UNC13C: variants seen among roughly 807,000 people sequenced by gnomAD.
UNC13C encodes protein unc-13 homolog C.
UNC13C carries 174 observed loss-of-function variants against 245.4 expected under a neutral mutation model. The ratio of observed to expected loss-of-function variants is 0.71; its 90% CI spans 0.63 to 0.80. The LOEUF is 0.80. UNC13C is among the 30% of genes least tolerant of loss of function. UNC13C has a pLI of 0.00. For missense variants in UNC13C, 2,829 were observed against 2,602.9 expected, an observed-to-expected ratio of 1.09 and a Z score of -1.89; for synonymous variants, 992 against 895.1, an observed-to-expected ratio of 1.11 and a Z score of -1.93.
chr15:53,909,102 C>T, the UNC13C span, among the ~76,000 whole-genome samples: 665 of 146,386 alleles, frequency 4.5e-3, 80 homozygotes, highest in Non-Finnish European at 8.1e-3. Flanking sequence ...CTAAGTTTCC[C>T]TCCAAAGGCA....
At chr15:53,888,545 T>G in the UNC13C span, among the ~76,000 whole-genome samples, 1 of 152,220 alleles carries the variant, frequency 6.6e-6, no homozygotes, top group African/African-American at 2.4e-5. Flanking sequence ...CAGAAGGTCT[T>G]TAGATTAATT....
intron 27 of UNC13C, among the ~76,000 whole-genome samples, chr15:54,549,077 C>T (rs374922272): frequency 6.6e-6 from 1 of 152,184 alleles, no homozygotes; most frequent in South Asian, 2.1e-4. Context: ...CACCAACAGA[C>T]ATGCCTCTAG....
At chr15:54,558,315 G>A (rs1897170146) in intron 29 of UNC13C, among the ~76,000 whole-genome samples, 1 of 152,038 alleles carries the variant, frequency 6.6e-6, no homozygotes, top group African/African-American at 2.4e-5. Flanking sequence ...AGAGATTTCA[G>A]TTGTTTTTCC....
At chr15:53,895,222 G>A in the UNC13C span, among the ~76,000 whole-genome samples, 1 of 151,594 alleles carries the variant, frequency 6.6e-6, no homozygotes, top group South Asian at 2.1e-4. Context: ...AAATTAGCTG[G>A]GTGTGGTCGC....
chr15:54,613,589 A>C (rs1343484826), intron 30 of UNC13C, among the ~76,000 whole-genome samples: 3 of 151,980 alleles, frequency 2.0e-5, no homozygotes, highest in Non-Finnish European at 4.4e-5. Context: ...TTCAAATGTA[A>C]GTTTCTGAAT....
At chr15:54,281,186 T>A (rs1423730374) in intron 10 of UNC13C, among the ~76,000 whole-genome samples, 1 of 152,196 alleles carries the variant, frequency 6.6e-6, no homozygotes, top group Non-Finnish European at 1.5e-5. Flanking sequence ...TAATAGTTTA[T>A]AAAGTGCTAT....
At chr15:53,876,645 CT>C in the UNC13C span, among the ~76,000 whole-genome samples, 2 of 151,886 alleles carry the variant, frequency 1.3e-5, no homozygotes, top group Admixed American at 6.6e-5. Context: ...GTTTTTACTA[CT>C]TTTTTTTGAA....
chr15:53,961,745 T>C, the UNC13C span, among the ~76,000 whole-genome samples: 1 of 152,238 alleles, frequency 6.6e-6, no homozygotes, highest in Admixed American at 6.5e-5. Flanking sequence ...TGAAAAGCCT[T>C]GTAACTGGTT....
At chr15:53,869,443 T>A in the UNC13C span, among the ~76,000 whole-genome samples, 1 of 152,194 alleles carries the variant, frequency 6.6e-6, no homozygotes, top group Non-Finnish European at 1.5e-5. Context: ...GGGTAATTCA[T>A]ACTAATTCCC....
intron 14 of UNC13C, among the ~76,000 whole-genome samples, chr15:54,322,887 T>C (rs998949557): frequency 1.3e-5 from 2 of 151,990 alleles, no homozygotes; most frequent in African/African-American, 2.4e-5. Flanking sequence ...TTTGGTATGT[T>C]TGGGGACATG....
chr15:54,050,034 A>G (rs947458798), intron 2 of UNC13C: 1 of 293,698 alleles, frequency 3.4e-6, no homozygotes, highest in Admixed American at 4.2e-5. Context: ...CAGTGGCGTG[A>G]CCTCGGCTCA....
At chr15:53,943,431 C>T in the UNC13C span, among the ~76,000 whole-genome samples, 1 of 152,112 alleles carries the variant, frequency 6.6e-6, no homozygotes, top group Non-Finnish European at 1.5e-5. Flanking sequence ...ATTATCTCCT[C>T]TAGTTTCTAA....
intron 2 of UNC13C, among the ~76,000 whole-genome samples, chr15:54,100,105 CAAAAAAAAAAA>C (rs56058415): frequency 8.9e-6 from 1 of 111,896 alleles, no homozygotes; most frequent in Non-Finnish European, 1.8e-5. Flanking sequence ...TACTCTGTCT[CAAAAAAAAAAA>C]AAAAAAAAAA....
chr15:54,114,258 T>G (rs2030051803), intron 2 of UNC13C, among the ~76,000 whole-genome samples: 2 of 152,198 alleles, frequency 1.3e-5, no homozygotes, highest in African/African-American at 4.8e-5. Flanking sequence ...ACACTTTTAA[T>G]TAAAAGAATA....
chr15:54,136,255 A>G (rs1243734544), intron 2 of UNC13C, among the ~76,000 whole-genome samples: 1 of 152,140 alleles, frequency 6.6e-6, no homozygotes, highest in Non-Finnish European at 1.5e-5. Flanking sequence ...TTCCCACATC[A>G]ATCTCCTGAG....
the UNC13C span, among the ~76,000 whole-genome samples, chr15:53,961,516 A>C: frequency 6.6e-6 from 1 of 152,210 alleles, no homozygotes; most frequent in South Asian, 2.1e-4. Flanking sequence ...AGCGGGCTAG[A>C]ATCAGCAAGG....
chr15:54,339,491 C>T (rs1398277590), intron 17 of UNC13C, among the ~76,000 whole-genome samples: 1 of 152,100 alleles, frequency 6.6e-6, no homozygotes, highest in Non-Finnish European at 1.5e-5. Flanking sequence ...TAGCTTAGCT[C>T]CCACTTATGA....
At chr15:54,342,237 A>G (rs1451972624) in intron 17 of UNC13C, among the ~76,000 whole-genome samples, 1 of 152,100 alleles carries the variant, frequency 6.6e-6, no homozygotes, top group Non-Finnish European at 1.5e-5. Context: ...TTTTGGTTAT[A>G]TGGATTTCAT....
chr15:54,092,041 C>A (rs1009182863), intron 2 of UNC13C, among the ~76,000 whole-genome samples: 2 of 152,158 alleles, frequency 1.3e-5, no homozygotes, highest in African/African-American at 4.8e-5. Flanking sequence ...GCCATTTGAA[C>A]ACGGATCCCC....
Sources: allele counts gnomAD v4.1 joint callset (sites outside exome capture counted in the v4.1 genomes callset), GRCh38; gene constraint gnomAD v4.1.1; transcripts MANE v1.5; gene names NCBI Gene and HGNC (gene_info 2026-07-23, HGNC 2026-07-21).